Variants in FOXP2 observed in about 807,000 individuals in gnomAD.
The protein encoded by FOXP2 is forkhead box protein P2.
FOXP2 carries 12 observed loss-of-function variants against 115.8 expected under a neutral mutation model. That is an observed-to-expected ratio of 0.10 (90% confidence interval 0.07 to 0.17). The LOEUF is 0.17. Among genes scored for constraint, FOXP2 ranks in the 10% least tolerant of loss-of-function variants. The pLI is 1.00. For synonymous variants in FOXP2, 328 were observed against 297.7 expected (o/e 1.10, Z -1.05); for missense variants, 629 against 843.5 (o/e 0.75, Z 3.15).
chr7:114,265,010 A>G (rs1016588291), intron 1 of FOXP2, among the ~76,000 whole-genome samples: 1 of 152,086 alleles, frequency 6.6e-6, no homozygotes, highest in Admixed American at 6.5e-5. Context: ...TTATAATTGA[A>G]CATGAGATTT....
intron 2 of FOXP2, chr7:114,498,915 T>G (rs752787563): frequency 4.2e-6 from 3 of 717,970 alleles, no homozygotes; most frequent in Non-Finnish European, 7.8e-6. Context: ...AGGTTATTTG[T>G]TAAAGTCTTT....
intron 16 of FOXP2, 136 bp from the exon 17 acceptor site, chr7:114,689,642 GCAAT>G (rs1808552686): frequency 1.3e-6 from 1 of 789,576 alleles, no homozygotes. Context: ...ACCAGCTCAC[GCAAT>G]CAATCAGATG....
chr7:114,345,055 G>A (rs1247884045), intron 2 of FOXP2, among the ~76,000 whole-genome samples: 1 of 151,728 alleles, frequency 6.6e-6, no homozygotes, highest in Admixed American at 6.6e-5. Context: ...AGGACGATTT[G>A]TTGTGACAAG....
intron 2 of FOXP2, among the ~76,000 whole-genome samples, chr7:114,392,996 C>T (rs568375231): frequency 2.0e-5 from 3 of 152,100 alleles, no homozygotes; most frequent in East Asian, 1.9e-4. Flanking sequence ...GGGAAGTTTC[C>T]GTACTCAGGA....
chr7:114,110,447 C>T (rs976612635), intron 1 of FOXP2, among the ~76,000 whole-genome samples: 6 of 152,140 alleles, frequency 3.9e-5, no homozygotes, highest in Non-Finnish European at 8.8e-5. Context: ...ATACCAACAA[C>T]TTGTAACATG....
At chr7:114,288,063 G>A (rs778812355) in exon 2 of FOXP2, 18 of 453,316 alleles carry the variant, frequency 4.0e-5, no homozygotes, top group Middle Eastern at 6.9e-4. Context: ...CTAGGACTCC[G>A]TTTCAAGGTT....
intron 2 of FOXP2, among the ~76,000 whole-genome samples, chr7:114,379,384 G>A (rs1190419122): frequency 6.6e-6 from 1 of 152,126 alleles, no homozygotes; most frequent in East Asian, 1.9e-4. Flanking sequence ...TTCTTAGTCA[G>A]CCTAGGAAAT....
intron 6 of FOXP2, among the ~76,000 whole-genome samples, chr7:114,631,917 T>C (rs547072024): frequency 6.6e-6 from 1 of 152,364 alleles, no homozygotes; most frequent in East Asian, 1.9e-4. Flanking sequence ...AACTTTCAAG[T>C]TTTTGTTAGA....
chr7:114,362,442 G>C (rs904335322), intron 2 of FOXP2, among the ~76,000 whole-genome samples: 2 of 152,032 alleles, frequency 1.3e-5, no homozygotes, highest in Non-Finnish European at 2.9e-5. Flanking sequence ...ACATGTTTCA[G>C]ATGAATACTA....
chr7:114,461,012 T>C (rs957255926), intron 2 of FOXP2, among the ~76,000 whole-genome samples: 3 of 152,224 alleles, frequency 2.0e-5, no homozygotes, highest in East Asian at 1.9e-4. Flanking sequence ...ACTCAAGTTA[T>C]GTTGAGTGTG....
intron 3 of FOXP2, among the ~76,000 whole-genome samples, chr7:114,608,520 C>T (rs1043033873): frequency 3.3e-5 from 5 of 152,152 alleles, no homozygotes; most frequent in Non-Finnish European, 7.3e-5. Flanking sequence ...ATCTCATCAC[C>T]TGAGCTATAT....
At chr7:114,134,659 G>C (rs1791984967) in intron 1 of FOXP2, among the ~76,000 whole-genome samples, 1 of 147,850 alleles carries the variant, frequency 6.8e-6, no homozygotes, top group African/African-American at 2.5e-5. Flanking sequence ...CTTGCAGTGA[G>C]CCGAGATCCC....
intron 16 of FOXP2, among the ~76,000 whole-genome samples, chr7:114,687,719 A>G (rs1808438996): frequency 1.3e-5 from 2 of 152,198 alleles, no homozygotes; most frequent in Non-Finnish European, 2.9e-5. Flanking sequence ...TATGATAAAT[A>G]TATGTGACAG....
At chr7:114,178,796 A>T (rs1793382447) in intron 1 of FOXP2, among the ~76,000 whole-genome samples, 1 of 151,646 alleles carries the variant, frequency 6.6e-6, no homozygotes, top group African/African-American at 2.4e-5. Context: ...ACCACCCAGG[A>T]TCTTTAATTA....
intron 2 of FOXP2, among the ~76,000 whole-genome samples, chr7:114,352,751 C>T (rs1172554527): frequency 6.6e-6 from 1 of 152,044 alleles, no homozygotes; most frequent in Non-Finnish European, 1.5e-5. Flanking sequence ...TCCCTAAATA[C>T]AGTCACATTC....
At chr7:114,576,368 G>A (rs530685153) in intron 3 of FOXP2, among the ~76,000 whole-genome samples, 97 of 151,876 alleles carry the variant, frequency 6.4e-4, no homozygotes, top group African/African-American at 2.1e-3. Flanking sequence ...CTCCTGAGTG[G>A]TTGCCCCTCA....
chr7:114,647,409 A>G (rs1332872947), intron 8 of FOXP2, among the ~76,000 whole-genome samples: 6 of 151,288 alleles, frequency 4.0e-5, no homozygotes, highest in Admixed American at 4.0e-4. Context: ...TGTGTTATAT[A>G]TTCTTATTCT....
intron 1 of FOXP2, among the ~76,000 whole-genome samples, chr7:114,263,872 T>C (rs1319623773): frequency 6.6e-6 from 1 of 151,922 alleles, no homozygotes; most frequent in South Asian, 2.1e-4. Context: ...CCTCACCTAT[T>C]TGTGTCCTAA....
At chr7:114,124,693 C>T (rs1289679063) in intron 1 of FOXP2, among the ~76,000 whole-genome samples, 1 of 152,008 alleles carries the variant, frequency 6.6e-6, no homozygotes, top group African/African-American at 2.4e-5. Flanking sequence ...AAATAGTATA[C>T]ATTTTCTTCT....
Sources: gnomAD v4.1 joint callset for allele counts (sites outside exome capture counted in the v4.1 genomes callset) on GRCh38, gnomAD v4.1.1 for gene constraint, MANE v1.5 for transcripts, NCBI Gene and HGNC (gene_info 2026-07-23, HGNC 2026-07-21) for gene names.